Variants in CELF4 observed in about 807,000 individuals in gnomAD.
The protein encoded by CELF4 is CUG-BP- and ETR-3-like factor 4.
CELF4 carries 18 observed loss-of-function variants against 59.9 expected under a neutral mutation model. The ratio of observed to expected loss-of-function variants is 0.30; its 90% CI spans 0.21 to 0.45. The LOEUF (loss-of-function observed/expected upper bound fraction) is 0.45, where lower values mean the gene tolerates loss of function less well. Ranked by LOEUF, CELF4 falls within the 20% of genes least tolerant of loss-of-function variation. The pLI, the probability that CELF4 is intolerant of heterozygous loss-of-function variation, is 1.00. For missense variants in CELF4, 456 were observed against 689.0 expected (o/e 0.66, Z 3.79); for synonymous variants, 261 against 267.1 (o/e 0.98, Z 0.22).
At chr18:37,383,958 C>T (rs562183171) in intron 2 of CELF4, among the ~76,000 whole-genome samples, 68 of 152,120 alleles carry the variant, frequency 4.5e-4, no homozygotes, top group Admixed American at 3.1e-3. Flanking sequence ...GGGTGGGGGG[C>T]GGTGCGTGGA....
At chr18:37,339,438 A>G (rs1569566539) in intron 2 of CELF4, among the ~76,000 whole-genome samples, 1 of 152,196 alleles carries the variant, frequency 6.6e-6, no homozygotes, top group Non-Finnish European at 1.5e-5. Flanking sequence ...GTGTGCTCAT[A>G]CATGTAGTCA....
At chr18:37,394,766 G>C (rs886246303) in intron 2 of CELF4, among the ~76,000 whole-genome samples, 16 of 152,148 alleles carry the variant, frequency 1.1e-4, no homozygotes, top group Non-Finnish European at 8.8e-5. Flanking sequence ...CTGTCTCCAG[G>C]ATGCAAGTGT....
intron 1 of CELF4, among the ~76,000 whole-genome samples, chr18:37,529,438 AC>A (rs1286347251): frequency 5.3e-5 from 8 of 152,290 alleles, no homozygotes; most frequent in African/African-American, 1.9e-4. Context: ...GTAGCATACC[AC>A]ACCCACTGCA....
chr18:37,413,060 C>T (rs2099488771), intron 2 of CELF4, among the ~76,000 whole-genome samples: 2 of 152,156 alleles, frequency 1.3e-5, no homozygotes, highest in Non-Finnish European at 2.9e-5. Context: ...TCATGCCTTT[C>T]CAGCTAGCTG....
intron 1 of CELF4, among the ~76,000 whole-genome samples, chr18:37,524,948 C>A (rs1345630283): frequency 6.6e-6 from 1 of 152,206 alleles, no homozygotes; most frequent in Non-Finnish European, 1.5e-5. Flanking sequence ...TCTTTGAGCC[C>A]CGCTTCCTCT....
chr18:37,416,829 T>A (rs750813784), intron 2 of CELF4, among the ~76,000 whole-genome samples: 6 of 152,260 alleles, frequency 3.9e-5, no homozygotes, highest in Non-Finnish European at 7.4e-5. Context: ...GGGAATGCAC[T>A]TCTGCAATCA....
At chr18:37,349,539 G>A (rs2098392482) in intron 2 of CELF4, among the ~76,000 whole-genome samples, 1 of 152,218 alleles carries the variant, frequency 6.6e-6, no homozygotes, top group South Asian at 2.1e-4. Context: ...GAAGGCAATG[G>A]AAAAGACACA....
intron 2 of CELF4, among the ~76,000 whole-genome samples, chr18:37,362,476 C>T (rs957660719): frequency 2.1e-4 from 32 of 152,162 alleles, no homozygotes; most frequent in African/African-American, 7.0e-4. Flanking sequence ...TAGGACAAAG[C>T]GGGACGAGGA....
intron 2 of CELF4, among the ~76,000 whole-genome samples, chr18:37,437,496 G>A (rs1443855808): frequency 6.6e-6 from 1 of 152,200 alleles, no homozygotes; most frequent in Admixed American, 6.5e-5. Context: ...GAGATACTAT[G>A]GAAACTGGGG....
At chr18:37,311,638 A>C (rs2096652200) in intron 3 of CELF4, among the ~76,000 whole-genome samples, 1 of 151,738 alleles carries the variant, frequency 6.6e-6, no homozygotes, top group African/African-American at 2.4e-5. Context: ...AAATACAAAA[A>C]ATTAGCTGGG....
At chr18:37,291,387 G>T (rs1490723025) in intron 3 of CELF4, among the ~76,000 whole-genome samples, 1 of 152,220 alleles carries the variant, frequency 6.6e-6, no homozygotes, top group African/African-American at 2.4e-5. Flanking sequence ...ATGTCAGAAA[G>T]CTCAAGGTTG....
chr18:37,338,796 T>G (rs1002323550), intron 2 of CELF4, among the ~76,000 whole-genome samples: 11 of 126,936 alleles, frequency 8.7e-5, no homozygotes, highest in African/African-American at 2.4e-4. Flanking sequence ...GTGTGTGTGG[T>G]GTGTGTGATC....
At chr18:37,252,870 C>T (rs2066413455) in intron 12 of CELF4, among the ~76,000 whole-genome samples, 1 of 151,790 alleles carries the variant, frequency 6.6e-6, no homozygotes, top group Non-Finnish European at 1.5e-5. Flanking sequence ...CAGGGAGGGG[C>T]GGTCAGAGGG....
intron 1 of CELF4, among the ~76,000 whole-genome samples, chr18:37,530,108 ACT>A (rs1172548351): frequency 6.6e-6 from 1 of 152,078 alleles, no homozygotes; most frequent in East Asian, 1.9e-4. Context: ...AGCCAGTCAG[ACT>A]CTCTTCCGGC....
intron 2 of CELF4, among the ~76,000 whole-genome samples, chr18:37,382,947 C>T (rs2099057247): frequency 1.3e-5 from 2 of 152,104 alleles, no homozygotes; most frequent in Admixed American, 1.3e-4. Context: ...ATTCCAGTTC[C>T]CATCGTTAGA....
At chr18:37,395,925 C>T (rs2099239451) in intron 2 of CELF4, among the ~76,000 whole-genome samples, 1 of 152,188 alleles carries the variant, frequency 6.6e-6, no homozygotes, top group South Asian at 2.1e-4. Context: ...AACTCCCGTG[C>T]TCTAAGCCAC....
chr18:37,265,787 C>T (rs1183430463), intron 9 of CELF4, among the ~76,000 whole-genome samples: 4 of 152,210 alleles, frequency 2.6e-5, no homozygotes, highest in Admixed American at 6.5e-5. Context: ...CACCCCTTGC[C>T]AGGTAGCCCC....
intron 2 of CELF4, among the ~76,000 whole-genome samples, chr18:37,463,759 C>G (rs764265867): frequency 6.6e-6 from 1 of 152,194 alleles, no homozygotes; most frequent in African/African-American, 2.4e-5. Flanking sequence ...GGTCCCAGCT[C>G]CTGGCCTGCG....
Position 37,262,405 on chromosome 18 carries a change from AG to A in CELF4, c.1249+2268del, listed in dbSNP as rs577832169. On this transcript the variant is annotated intron_variant, in intron 10 of 12. Coordinates refer to ENST00000420428, the MANE Select transcript of CELF4 (RefSeq NM_020180.4). ...GCAAGGTGTGTGTGTGGGGTGGGGG[AG>A]GGGGGGGCAGGAATTGCAGCTGCTC... is the stretch of plus-strand genomic sequence containing the variant. Among the ~76,000 whole-genome samples the A allele has an allele frequency of 4.8e-3, 607 of 126,588 alleles. 2 individuals are homozygous for A. The highest frequency in any genetic ancestry group is 0.016 in the African/African-American group (502 of 31,686). The allele number at this position is 126,588 out of a possible 152,430, so 83.0% of individuals were successfully genotyped here.
Sources: gnomAD v4.1 joint callset for allele counts (sites outside exome capture counted in the v4.1 genomes callset) on GRCh38, gnomAD v4.1.1 for gene constraint, MANE v1.5 for transcripts, NCBI Gene and HGNC (gene_info 2026-07-23, HGNC 2026-07-21) for gene names.